The following TEX15 variants were observed in gnomAD, a reference collection of about 807,000 sequenced individuals.
TEX15 encodes the protein testis-expressed protein 15.
Under a neutral mutation model 237.3 loss-of-function variants are expected in TEX15, and 171 were observed. The ratio of observed to expected loss-of-function variants is 0.72; its 90% CI spans 0.64 to 0.82. TEX15 has a LOEUF of 0.82. TEX15 is among the 40% of genes least tolerant of loss of function. The probability of loss-of-function intolerance (pLI) is 0.00; values close to 1 mark genes in which losing one functional copy is unlikely to be tolerated. For synonymous variants in TEX15, 1,338 were observed against 1,269.8 expected (o/e 1.05, Z -1.14); for missense variants, 3,750 against 3,646.5 (o/e 1.03, Z -0.73).
At chr8:30,908,121 A>C (rs1207183019) in intron 1 of TEX15, among the ~76,000 whole-genome samples, 1 of 152,022 alleles carries the variant, frequency 6.6e-6, no homozygotes, top group Non-Finnish European at 1.5e-5. Context: ...ATGGGGTCTC[A>C]CTACGTTGCC....
chr8:30,878,842 A>ACTAACAT (rs954785186), intron 3 of TEX15, among the ~76,000 whole-genome samples: 8 of 152,212 alleles, frequency 5.3e-5, no homozygotes, highest in African/African-American at 1.9e-4. Context: ...TAGTTTTTAA[A>ACTAACAT]GATGATGCCA....
Position 30,902,144 on chromosome 8 carries a change from A to T in TEX15, c.-85-3327T>A, listed in dbSNP as rs989932243. ...CTCCAGGTGATTCTGATGTAAGATA[A>T]GTTTGAGATCCGCTGGTCTAAGATA... On this transcript the variant is annotated intron_variant, in intron 1 of 10. Transcript: ENST00000643185. Among the ~76,000 whole-genome samples the T allele has an allele frequency of 4.6e-5, 7 of 152,140 alleles. No homozygotes were observed. The East Asian group carries it at 5.8e-4, about 13-fold the overall frequency.
intron 5 of TEX15, among the ~76,000 whole-genome samples, chr8:30,864,544 A>G (rs1252348337): frequency 1.3e-5 from 2 of 151,694 alleles, no homozygotes; most frequent in Non-Finnish European, 2.9e-5. Flanking sequence ...AAAGAAAAGA[A>G]AAAGGTTTTA....
At chr8:30,852,694 T>A (rs967165715) in intron 7 of TEX15, among the ~76,000 whole-genome samples, 3 of 150,264 alleles carry the variant, frequency 2.0e-5, no homozygotes, top group African/African-American at 7.3e-5. Context: ...CCTACGGAAA[T>A]AAAAAAAAAT....
intron 7 of TEX15, among the ~76,000 whole-genome samples, chr8:30,849,679 G>A (rs1275439930): frequency 6.6e-6 from 1 of 152,072 alleles, no homozygotes; most frequent in Admixed American, 6.5e-5. Context: ...AAGGTGGACA[G>A]ATCATGAGGT....
At position 30,843,345 on chromosome 8, in the gene TEX15, A is replaced by G. The variant is rs1355928721; in HGVS notation, c.6822T>C (p.Ala2274=). The G allele has an allele frequency of 2.5e-6, 4 of 1,611,162 alleles. No individual in the cohort carries two copies. In the African/African-American group the frequency reaches 4.0e-5, roughly 16 times the overall value. Residue 2274 remains alanine (A), a synonymous_variant, in exon 8 of 11, where the codon GCT becomes GCC. Transcript: ENST00000643185. ...TCTCTTTCCAAACAAGATTTTTTGCAGCATCAAAAAAGATATGTTCCAGAC... is the reference window on the plus strand; with the variant it reads ...TCTCTTTCCAAACAAGATTTTTTGCGGCATCAAAAAAGATATGTTCCAGAC... ...LYGLEHIFFD[A]AKNLVWKERT...
chr8:30,896,788 G>A (rs1808914542), intron 2 of TEX15, among the ~76,000 whole-genome samples: 1 of 152,126 alleles, frequency 6.6e-6, no homozygotes, highest in Non-Finnish European at 1.5e-5. Flanking sequence ...TATTTGGGGA[G>A]AATAAAATCT....
At chr8:30,902,402 G>C (rs1318921839) in intron 1 of TEX15, among the ~76,000 whole-genome samples, 1 of 151,800 alleles carries the variant, frequency 6.6e-6, no homozygotes, top group African/African-American at 2.4e-5. Context: ...GCAGGAAGGG[G>C]GGAAGATAGG....
At chr8:30,895,927 C>T (rs956638666) in intron 2 of TEX15, among the ~76,000 whole-genome samples, 1 of 152,072 alleles carries the variant, frequency 6.6e-6, no homozygotes, top group Non-Finnish European at 1.5e-5. Context: ...GATCCATCCA[C>T]CTTGGCCTCC....
In TEX15 at chr8:30,831,952, T is replaced by G. The variant is rs1052952461; in HGVS notation, c.*1334A>C. ...TAAAACTGCATGGACCAAATAGAAA[T>G]GTTTTTTAAATATTGTTTTAACTCT... is the stretch of plus-strand genomic sequence containing the variant. On this transcript the variant is annotated 3_prime_UTR_variant, in exon 11 of 11. Transcript: ENST00000643185. 3 of 152,214 alleles carry G rather than the reference T, an allele frequency of 2.0e-5. No individual in the cohort carries two copies. Among genetic ancestry groups the G allele is most frequent in the African/African-American group, 7.2e-5 (3 of 41,470 alleles). 9.4% of individuals were successfully genotyped at this position (152,214 alleles called of 1,614,324 possible). A position where few individuals can be genotyped will look rare whatever the true frequency, so the allele number is the denominator to read the frequency against.
At position 30,887,246 on chromosome 8, in the gene TEX15, G is replaced by A; in HGVS notation, c.57C>T (p.Ser19=). 1 of 1,535,864 alleles carries A rather than the reference G, an allele frequency of 6.5e-7. No homozygotes were observed. Among genetic ancestry groups the A allele is most frequent in the Non-Finnish European group, 8.7e-7 (1 of 1,146,770 alleles). Residue 19 remains serine, a synonymous_variant, in exon 3 of 11, where the codon AGC becomes AGT. Coordinates refer to ENST00000643185, the MANE Select transcript of TEX15 (RefSeq NM_001350162.2). ...QDTLWQMSST[S]KPVLNTREVN... The stretch of plus-strand genomic sequence containing the variant: ...CTTCACGAGTATTCAACACGGGTTT[G>A]CTAGTTGAGCTCATTTGCCACAGTG...
At chr8:30,874,859 G>T in intron 4 of TEX15, 78 bp downstream of exon 4, 3 of 853,314 alleles carry the variant, frequency 3.5e-6, no homozygotes, top group Non-Finnish European at 4.7e-6. Flanking sequence ...ATCTCATATG[G>T]TAGAAATGAA....
intron 10 of TEX15, among the ~76,000 whole-genome samples, chr8:30,836,200 G>C: frequency 1.2e-5 from 1 of 84,658 alleles, no homozygotes; most frequent in African/African-American, 4.5e-5. Context: ...ACATTTCACT[G>C]TATCGTTTTT....
intron 4 of TEX15, among the ~76,000 whole-genome samples, chr8:30,869,645 C>T (rs1808247868): frequency 6.6e-6 from 1 of 151,960 alleles, no homozygotes; most frequent in East Asian, 1.9e-4. Context: ...TCCTAGGATC[C>T]ACCCCCAAAC....
chr8:30,869,607 C>A (rs1585299463), intron 4 of TEX15, among the ~76,000 whole-genome samples: 1 of 152,110 alleles, frequency 6.6e-6, no homozygotes, highest in South Asian at 2.1e-4. Context: ...TTCTACACCT[C>A]CCTTTCCTTC....
rs1265136813 is a variant in TEX15 at position 30,866,329 on chromosome 8, AGAAAGGG to A, written c.540+929_540+935del. 5.1e-4 allele frequency among the ~76,000 whole-genome samples: 76 copies of A among 149,722 alleles called. 2 individuals are homozygous for A. Among genetic ancestry groups the A allele is most frequent in the Non-Finnish European group, 3.3e-4 (22 of 67,390 alleles). On this transcript the variant is annotated intron_variant, in intron 5 of 10. Transcript: ENST00000643185. Reference sequence around the variant, plus strand: ...GAAAAGGCAGAAAGGACAAAAAGGGAGAAAGGGGAAAGGGGAAAGGAGAAAGGAGAAA... The same window carrying A: ...GAAAAGGCAGAAAGGACAAAAAGGGAGAAAGGGGAAAGGAGAAAGGAGAAA...
chr8:30,905,969 G>A (rs1809095885), intron 1 of TEX15, among the ~76,000 whole-genome samples: 1 of 151,882 alleles, frequency 6.6e-6, no homozygotes, highest in African/African-American at 2.4e-5. Flanking sequence ...TGACTGCAAC[G>A]CTAGACCCAT....
intron 4 of TEX15, among the ~76,000 whole-genome samples, chr8:30,870,857 G>A (rs1311526341): frequency 6.6e-6 from 1 of 152,040 alleles, no homozygotes; most frequent in East Asian, 1.9e-4. Flanking sequence ...AGTCAGACAT[G>A]ACTCTCACTG....
chr8:30,843,249 A>G lies in TEX15; in HGVS notation c.6918T>C (p.Cys2306=), dbSNP rs1807505667. Residue 2306 remains cysteine, a synonymous_variant, in exon 8 of 11, where the codon TGT becomes TGC. Coordinates refer to ENST00000643185, the MANE Select transcript of TEX15 (RefSeq NM_001350162.2). ...ATATCTTCTGCAACTTAGAAAAGGC[A>G]CATTTATTCACTCTGAGTAGCCTTT... ...DEERLLRVNK[C]AFSKLQKIYD... is the part of the protein sequence containing the mutation. 1 of 1,613,170 alleles carries G rather than the reference A, an allele frequency of 6.2e-7. No homozygotes were observed. Among genetic ancestry groups the G allele is most frequent in the Non-Finnish European group, 8.5e-7 (1 of 1,179,606 alleles).
Sources: gnomAD v4.1 joint callset for allele counts (sites outside exome capture counted in the v4.1 genomes callset) on GRCh38, gnomAD v4.1.1 for gene constraint, MANE v1.5 for transcripts, NCBI Gene and HGNC (gene_info 2026-07-23, HGNC 2026-07-21) for gene names.